The following ANO4 variants were observed in gnomAD, a reference collection of about 807,000 sequenced individuals.
The protein encoded by ANO4 is anoctamin 4.
Under a neutral mutation model 141.9 loss-of-function variants are expected in ANO4, and 69 were observed. That is an observed-to-expected ratio of 0.49 (90% CI 0.40 to 0.59). The LOEUF (loss-of-function observed/expected upper bound fraction) is 0.59, where lower values mean the gene tolerates loss of function less well. Ranked by LOEUF, ANO4 falls within the 20% of genes least tolerant of loss-of-function variation. The probability of loss-of-function intolerance (pLI) is 0.00; values close to 1 mark genes in which losing one functional copy is unlikely to be tolerated. For synonymous variants in ANO4, 350 were observed against 394.3 expected (o/e 0.89, Z 1.33); for missense variants, 894 against 1,162.2 (o/e 0.77, Z 3.36).
intron 14 of ANO4, among the ~76,000 whole-genome samples, chr12:101,049,852 C>A (rs1566176258): frequency 6.6e-6 from 1 of 152,124 alleles, no homozygotes; most frequent in Non-Finnish European, 1.5e-5. Flanking sequence ...GCATTTGAAC[C>A]AAGATCAGTC....
At chr12:100,766,383 A>G (rs2135539994) in intron 3 of ANO4, among the ~76,000 whole-genome samples, 1 of 152,254 alleles carries the variant, frequency 6.6e-6, no homozygotes, top group African/African-American at 2.4e-5. Context: ...ATTTATTGCT[A>G]TAAACATCCC....
chr12:100,923,691 A>C (rs1006177652), intron 3 of ANO4, among the ~76,000 whole-genome samples: 1 of 151,962 alleles, frequency 6.6e-6, no homozygotes, highest in African/African-American at 2.4e-5. Flanking sequence ...TTCTAGTTCT[A>C]CCTCCTTGAG....
chr12:100,962,930 G>C (rs1456340758), intron 5 of ANO4, among the ~76,000 whole-genome samples: 1 of 152,164 alleles, frequency 6.6e-6, no homozygotes, highest in Non-Finnish European at 1.5e-5. Flanking sequence ...GGATAGATTA[G>C]AGAGAAGTTT....
intron 1 of ANO4, among the ~76,000 whole-genome samples, chr12:100,798,056 G>C (rs1390683668): frequency 6.6e-6 from 1 of 152,144 alleles, no homozygotes; most frequent in Non-Finnish European, 1.5e-5. Flanking sequence ...AAATAGAATT[G>C]ATTTTGCATT....
At chr12:101,044,939 C>A (rs781454833) in intron 13 of ANO4, among the ~76,000 whole-genome samples, 1 of 151,966 alleles carries the variant, frequency 6.6e-6, no homozygotes, top group Non-Finnish European at 1.5e-5. Flanking sequence ...CAGATATAAG[C>A]CTGAATGACT....
intron 3 of ANO4, among the ~76,000 whole-genome samples, chr12:100,925,176 G>T (rs980115161): frequency 1.3e-5 from 2 of 152,084 alleles, no homozygotes; most frequent in Non-Finnish European, 2.9e-5. Context: ...GGGCCATTCA[G>T]TCTCTATTTA....
chr12:101,077,328 T>G (rs561477325), intron 14 of ANO4, among the ~76,000 whole-genome samples: 1 of 152,292 alleles, frequency 6.6e-6, no homozygotes, highest in African/African-American at 2.4e-5. Context: ...CCTTTTCCCT[T>G]TGCAGATTTT....
rs111597109 is a variant in ANO4, at chr12:100,789,600, G to A, written c.358+49495G>A. ...GGACAAGTTTTATGCTTCTCATTTA[G>A]GTTAAGAGATTGCCTGAGGTGACAC... On this transcript the variant is annotated intron_variant, in intron 3 of 29. Coordinates refer to the ANO4 transcript ENST00000644049. 2.6e-4 allele frequency among the ~76,000 whole-genome samples: 40 copies of A among 152,294 alleles called. 1 individual carries two copies. The highest frequency in any genetic ancestry group is 8.9e-4 in the African/African-American group (37 of 41,560).
chr12:100,911,176 C>G (rs1417299468), intron 2 of ANO4, among the ~76,000 whole-genome samples: 1 of 152,018 alleles, frequency 6.6e-6, no homozygotes, highest in African/African-American at 2.4e-5. Context: ...CATTTAATTC[C>G]CATAATATTC....
rs554728839 is a variant in ANO4, at chr12:101,125,021, G to A, written c.2677-1858G>A. Among the ~76,000 whole-genome samples the A allele has an allele frequency of 2.6e-5, 4 of 152,306 alleles. No individual in the cohort carries two copies. The South Asian group carries it at 8.3e-4, about 32-fold the overall frequency. On this transcript the variant is annotated intron_variant, in intron 26 of 27. Coordinates refer to ENST00000392977, the MANE Select transcript of ANO4 (RefSeq NM_001286615.2). ...AATTCTGTGAAGAGTGTCAATGGTA[G>A]TTTAATGGGAATAGCATTGAATCTA... is the stretch of plus-strand genomic sequence containing the variant.
intron 8 of ANO4, among the ~76,000 whole-genome samples, chr12:100,995,702 T>C (rs1040756549): frequency 2.0e-5 from 3 of 152,196 alleles, no homozygotes; most frequent in Non-Finnish European, 4.4e-5. Context: ...CCCCTTGAAA[T>C]AAAGTCTGCC....
rs564181253 is a variant in ANO4, at chr12:100,966,330, A to G, written c.457-4976A>G. 5.9e-5 allele frequency among the ~76,000 whole-genome samples: 9 copies of G among 152,230 alleles called. No homozygotes were observed. The South Asian group carries it at 1.9e-3, about 32-fold the overall frequency. Reference sequence around the variant, plus strand: ...AAGATATGCATTGCTATCATTTCCTATTTTACATTTGAACAAACTGAGGCA... The same window carrying G: ...AAGATATGCATTGCTATCATTTCCTGTTTTACATTTGAACAAACTGAGGCA... On this transcript the variant is annotated intron_variant, in intron 5 of 27. Coordinates refer to ENST00000392977, the MANE Select transcript of ANO4 (RefSeq NM_001286615.2).
intron 1 of ANO4, among the ~76,000 whole-genome samples, chr12:100,887,963 C>T (rs188456194): frequency 7.2e-5 from 11 of 151,996 alleles, no homozygotes; most frequent in East Asian, 1.9e-4. Context: ...GTGAGGTGAC[C>T]GGAAATAAAT....
At chr12:100,974,924 T>C (rs762238316) in intron 7 of ANO4, 35 bp downstream of exon 7, 1 of 1,611,186 alleles carries the variant, frequency 6.2e-7, no homozygotes, top group African/African-American at 1.3e-5. Flanking sequence ...AGTGTTTGTC[T>C]TTCTGTTGGC....
chr12:101,051,252 T>G (rs1231398932), intron 14 of ANO4, among the ~76,000 whole-genome samples: 1 of 152,052 alleles, frequency 6.6e-6, no homozygotes, highest in East Asian at 1.9e-4. Context: ...GAGCATGGAG[T>G]TGAGAAGTTT....
At chr12:100,723,094 C>G (rs945949575) in intron 1 of ANO4, among the ~76,000 whole-genome samples, 2 of 152,114 alleles carry the variant, frequency 1.3e-5, no homozygotes, top group Non-Finnish European at 2.9e-5. Context: ...AAAGCATGTA[C>G]AGATTATTTT....
At chr12:100,926,023 T>G (rs1815328781) in intron 3 of ANO4, among the ~76,000 whole-genome samples, 2 of 151,960 alleles carry the variant, frequency 1.3e-5, no homozygotes, top group South Asian at 4.1e-4. Flanking sequence ...TAGATAAGAT[T>G]TTCTCCATTT....
At chr12:100,903,695 G>T (rs1221448066) in intron 2 of ANO4, among the ~76,000 whole-genome samples, 1 of 152,212 alleles carries the variant, frequency 6.6e-6, no homozygotes, top group Non-Finnish European at 1.5e-5. Flanking sequence ...GCAAGGGCAG[G>T]CTGGAACTCT....
intron 14 of ANO4, among the ~76,000 whole-genome samples, chr12:101,051,832 C>A (rs777544134): frequency 1.4e-4 from 22 of 152,154 alleles, no homozygotes; most frequent in Admixed American, 9.2e-4. Flanking sequence ...GTTTTAGAGA[C>A]CTGAACCTTA....
Sources: gnomAD v4.1 joint callset for allele counts (sites outside exome capture counted in the v4.1 genomes callset) on GRCh38, gnomAD v4.1.1 for gene constraint, MANE v1.5 for transcripts, NCBI Gene and HGNC (gene_info 2026-07-23, HGNC 2026-07-21) for gene names.